Variants in CAMTA1 observed in about 807,000 individuals in gnomAD.
The protein encoded by CAMTA1 is calmodulin binding transcription activator 1, also known as calmodulin-binding transcription activator 1.
CAMTA1 carries 27 observed loss-of-function variants against 170.9 expected under a neutral mutation model. The ratio of observed to expected loss-of-function variants is 0.16; its 90% CI spans 0.12 to 0.22. CAMTA1 has a LOEUF of 0.22. Ranked by LOEUF, CAMTA1 falls within the 10% of genes least tolerant of loss-of-function variation. The pLI is 1.00. For synonymous variants in CAMTA1, 833 were observed against 891.5 expected (o/e 0.93, Z 1.17); for missense variants, 1,619 against 2,217.2 (o/e 0.73, Z 5.42).
chr1:7,741,561 CAA>C (rs368850510), intron 16 of CAMTA1, among the ~76,000 whole-genome samples: 4 of 137,252 alleles, frequency 2.9e-5, no homozygotes, highest in Non-Finnish European at 1.6e-5. Context: ...GACTCTCTCT[CAA>C]AAAAAAAAAA....
At chr1:7,659,014 C>G (rs1186775075) in intron 7 of CAMTA1, among the ~76,000 whole-genome samples, 1 of 152,218 alleles carries the variant, frequency 6.6e-6, no homozygotes, top group Non-Finnish European at 1.5e-5. Flanking sequence ...CAGCCCCACC[C>G]ATCCCCCTTA....
chr1:6,837,990 T>TC (rs944171821), intron 3 of CAMTA1, among the ~76,000 whole-genome samples: 4 of 152,190 alleles, frequency 2.6e-5, no homozygotes, highest in African/African-American at 9.7e-5. Flanking sequence ...GCTAGACTCT[T>TC]AAGTTCCAGG....
intron 11 of CAMTA1, chr1:7,698,285 A>C (rs2096399877): frequency 6.6e-6 from 1 of 152,250 alleles, no homozygotes; most frequent in Admixed American, 6.5e-5. Flanking sequence ...TAGGTTAAAA[A>C]AATCACACAC....
chr1:6,880,374 T>A (rs962095248), intron 3 of CAMTA1, among the ~76,000 whole-genome samples: 1 of 144,612 alleles, frequency 6.9e-6, no homozygotes, highest in Non-Finnish European at 1.5e-5. Flanking sequence ...AGGCCCAGCC[T>A]CTAAAAGTGT....
chr1:7,106,794 C>T (rs1448139691), intron 4 of CAMTA1, among the ~76,000 whole-genome samples: 1 of 151,938 alleles, frequency 6.6e-6, no homozygotes, highest in African/African-American at 2.4e-5. Flanking sequence ...ACCTGCTCTC[C>T]TAAAATTATC....
intron 11 of CAMTA1, among the ~76,000 whole-genome samples, chr1:7,721,308 T>C (rs1449411942): frequency 6.6e-6 from 1 of 152,226 alleles, no homozygotes; most frequent in Non-Finnish European, 1.5e-5. Context: ...AGTGGTATGC[T>C]CTTGGGTAAG....
At chr1:7,225,679 CG>C (rs1249948510) in intron 4 of CAMTA1, among the ~76,000 whole-genome samples, 1 of 152,212 alleles carries the variant, frequency 6.6e-6, no homozygotes, top group Non-Finnish European at 1.5e-5. Context: ...AGCAGGATTT[CG>C]GGGGTTCACT....
At chr1:7,212,816 A>G (rs1235955891) in intron 4 of CAMTA1, among the ~76,000 whole-genome samples, 1 of 152,218 alleles carries the variant, frequency 6.6e-6, no homozygotes, top group Non-Finnish European at 1.5e-5. Context: ...CTCTATGTCT[A>G]TAATTTTTAT....
chr1:6,931,362 C>A (rs138345730), intron 3 of CAMTA1, among the ~76,000 whole-genome samples: 13 of 152,272 alleles, frequency 8.5e-5, no homozygotes, highest in African/African-American at 2.6e-4. Context: ...TATCTCAGCA[C>A]CTGGAGATGC....
At chr1:7,149,737 T>TC (rs1189705001) in intron 4 of CAMTA1, among the ~76,000 whole-genome samples, 3 of 152,168 alleles carry the variant, frequency 2.0e-5, no homozygotes, top group African/African-American at 7.2e-5. Context: ...CCAGCCATGT[T>TC]CCCGGAATAA....
At chr1:6,852,687 T>G (rs1660852218) in intron 3 of CAMTA1, among the ~76,000 whole-genome samples, 1 of 152,232 alleles carries the variant, frequency 6.6e-6, no homozygotes, top group African/African-American at 2.4e-5. Context: ...TGAGTCACCC[T>G]CCCAGCTCCC....
At chr1:7,472,773 G>A (rs944999802) in intron 6 of CAMTA1, among the ~76,000 whole-genome samples, 2 of 152,150 alleles carry the variant, frequency 1.3e-5, no homozygotes, top group Non-Finnish European at 2.9e-5. Flanking sequence ...AGCAGGCACC[G>A]TGAGACTAAG....
chr1:7,690,394 G>A lies in CAMTA1; in HGVS notation c.2914+12661G>A, dbSNP rs2096297405. Among the ~76,000 whole-genome samples, 3 of 152,230 alleles carry A rather than the reference G, an allele frequency of 2.0e-5. No homozygotes were observed. In the South Asian group the frequency reaches 6.2e-4, roughly 31 times the overall value. On this transcript the variant is annotated intron_variant, in intron 11 of 22. Transcript: ENST00000303635. ...GCATCAGCAGATCGGGAGGTACCCA[G>A]TGGAGGCCTCAGAGTGTCTCCTGTC...
Position 7,542,448 on chromosome 1 carries a change from T to G in CAMTA1, c.510+74547T>G, listed in dbSNP as rs530797808. The stretch of plus-strand genomic sequence containing the variant: ...TTTTTTGTTTTTTTTGTTTGTTTGT[T>G]TTTTTGAGACAGAGTCTCACTTTGT... On this transcript the variant is annotated intron_variant, in intron 6 of 22. Coordinates refer to ENST00000303635, the MANE Select transcript of CAMTA1 (RefSeq NM_015215.4). 7.9e-5 allele frequency among the ~76,000 whole-genome samples: 12 copies of G among 152,344 alleles called. No individual in the cohort carries two copies. In the East Asian group the frequency reaches 2.1e-3, roughly 27 times the overall value.
In CAMTA1 at chr1:7,414,859, A is replaced by G. The variant is rs531153941; in HGVS notation, c.439-52971A>G. The stretch of plus-strand genomic sequence containing the variant: ...CTTTTAATTGTGATGTTAGGGTGTC[A>G]ATTTTGGATCTTTCCTGCTTTCTTC... On this transcript the variant is annotated intron_variant, in intron 5 of 22. Coordinates refer to ENST00000303635, the MANE Select transcript of CAMTA1 (RefSeq NM_015215.4). 3.7e-3 allele frequency among the ~76,000 whole-genome samples: 563 copies of G among 152,062 alleles called. 3 individuals carry two copies. Among genetic ancestry groups the G allele is most frequent in the Non-Finnish European group, 6.1e-3 (413 of 67,966 alleles).
rs942572397 is a variant in CAMTA1 at position 7,325,825 on chromosome 1, G to C, written c.438+76199G>C. Among the ~76,000 whole-genome samples, 1 of 151,702 alleles carries C rather than the reference G, an allele frequency of 6.6e-6. No homozygotes were observed. The highest frequency in any genetic ancestry group is 1.5e-5 in the Non-Finnish European group (1 of 67,894). On this transcript the variant is annotated intron_variant, in intron 5 of 22. Transcript: ENST00000303635. The surrounding 1 kb of genome is among the most constrained non-coding windows in gnomAD (Gnocchi z 5.0). ...GTCTGGCATTTCAAGGGCAGATCCA[G>C]GTTTGGTTTGTTGTTGGTGGGTTTT...
At chr1:7,471,622 G>A (rs2093331779) in intron 6 of CAMTA1, among the ~76,000 whole-genome samples, 1 of 152,272 alleles carries the variant, frequency 6.6e-6, no homozygotes, top group Admixed American at 6.5e-5. Context: ...AGGTCACCCA[G>A]TGGGTCAGGG....
chr1:7,139,951 T>A lies in CAMTA1; in HGVS notation c.302+48580T>A, dbSNP rs1258862778. Among the ~76,000 whole-genome samples the A allele has an allele frequency of 6.6e-5, 10 of 152,208 alleles. No individual in the cohort carries two copies. The East Asian group carries it at 1.9e-3, about 29-fold the overall frequency. ...TTTAAAAATATATCAAGAATGACAA[T>A]AAAGATTAGTTACCATTTATTGAGT... On this transcript the variant is annotated intron_variant, in intron 4 of 22. Transcript: ENST00000303635.
chr1:7,128,849 T>G (rs1264873044), intron 4 of CAMTA1, among the ~76,000 whole-genome samples: 1 of 144,822 alleles, frequency 6.9e-6, no homozygotes, highest in Non-Finnish European at 1.5e-5. Context: ...TTTTTTTTTT[T>G]TTTTTTTTTG....
Sources: gnomAD v4.1 joint callset for allele counts (sites outside exome capture counted in the v4.1 genomes callset) on GRCh38, gnomAD v4.1.1 for gene constraint, Gnocchi (gnomAD v3.1) non-coding constraint, MANE v1.5 for transcripts, NCBI Gene and HGNC (gene_info 2026-07-23, HGNC 2026-07-21) for gene names.